Variants in FKBP15 observed in about 807,000 individuals in gnomAD.
FKBP15 encodes the protein FKBP prolyl isomerase family member 15, also known as FK506-binding protein 15.
A neutral mutation model predicts 158.1 loss-of-function variants in FKBP15; 106 were observed. The observed-to-expected ratio is 0.67, with a 90% CI of 0.57 to 0.79. FKBP15 has a LOEUF of 0.79. FKBP15 is among the 30% of genes least tolerant of loss of function. The pLI, the probability that FKBP15 is intolerant of heterozygous loss-of-function variation, is 0.00. For synonymous variants in FKBP15, 547 were observed against 548.6 expected, an observed-to-expected ratio of 1.00 and a Z score of 0.04; for missense variants, 1,287 against 1,479.1, an observed-to-expected ratio of 0.87 and a Z score of 2.13.
In FKBP15 at chr9:113,183,810, CTT is replaced by C; in HGVS notation, c.1750_1751del (p.Lys584GlufsTer9). ...CATTCTGTTCTTCTATCCGATTGCT[CTT>C]TTCAAGGATCTCTTGCTTCAATCTT... ...NERLKQEILE[K>X]SNRIEEQNDK... On this transcript the variant is annotated frameshift_variant, in exon 18 of 28. Transcript: ENST00000238256. LOFTEE classifies it high-confidence loss of function. 2 of 1,613,456 alleles carry C rather than the reference CTT, an allele frequency of 1.2e-6. No individual in the cohort carries two copies. The highest frequency in any genetic ancestry group is 1.7e-6 in the Non-Finnish European group (2 of 1,179,592).
chr9:113,188,321 A>C, intron 13 of FKBP15, 68 bp downstream of exon 13: 1 of 1,188,292 alleles, frequency 8.4e-7, no homozygotes. Context: ...TAACAGTTTA[A>C]GGAACAGTGA....
In FKBP15 at chr9:113,169,708, T is replaced by C. The variant is rs1274179128; in HGVS notation, c.3001A>G (p.Thr1001Ala). 6.2e-7 allele frequency: 1 copy of C among 1,613,682 alleles called. No homozygotes were observed. Among genetic ancestry groups the C allele is most frequent in the South Asian group, 1.1e-5 (1 of 91,024 alleles). The change falls in exon 26 of 28, where the codon ACT (threonine) becomes GCT (alanine). Residue 1001 changes from threonine (T) to alanine (A), a missense_variant. Thr to Ala is a moderately conservative substitution (Grantham distance 58). Transcript: ENST00000238256. ...AVPLPPQALT[T>A]SQDGHRRKGD... ...TTCCTTCTGTGTCCATCCTGGGAAG[T>C]GGTGAGGGCCTGAGGAGGCAACGGG...
chr9:113,212,430 C>T (rs978552215), intron 1 of FKBP15, among the ~76,000 whole-genome samples: 12 of 152,130 alleles, frequency 7.9e-5, no homozygotes, highest in African/African-American at 2.9e-4. Flanking sequence ...CTCAAGTGAT[C>T]CACCCACCTC....
chr9:113,187,668 G>GA, intron 14 of FKBP15, 125 bp downstream of exon 14: 1 of 762,866 alleles, frequency 1.3e-6, no homozygotes, highest in Non-Finnish European at 2.2e-6. Context: ...CCAAGGAAGG[G>GA]AAAAAAATTA....
rs192789557 is a variant in FKBP15, at chr9:113,189,764, A to G, written c.1173+707T>C. ...TTATATATTTCACTTCAATTGAGAA[A>G]GGACGATTATATTCAATAAAGAACT... On this transcript the variant is annotated intron_variant, in intron 12 of 27. Coordinates refer to ENST00000238256, the MANE Select transcript of FKBP15 (RefSeq NM_015258.2). Among the ~76,000 whole-genome samples the G allele has an allele frequency of 3.7e-4, 57 of 152,326 alleles. 1 individual carries two copies. Among genetic ancestry groups the G allele is most frequent in the Non-Finnish European group, 7.5e-4 (51 of 68,012 alleles).
intron 20 of FKBP15, 66 bp from the exon 21 acceptor site, chr9:113,176,739 A>G: frequency 6.6e-7 from 1 of 1,515,050 alleles, no homozygotes; most frequent in South Asian, 1.3e-5. Context: ...GTGTTATCCC[A>G]GCAGCTCTTT....
At chr9:113,189,560 T>C (rs906214095) in intron 12 of FKBP15, among the ~76,000 whole-genome samples, 2 of 152,072 alleles carry the variant, frequency 1.3e-5, no homozygotes, top group Non-Finnish European at 2.9e-5. Context: ...AAAATAATCC[T>C]ATAACAATAG....
intron 19 of FKBP15, among the ~76,000 whole-genome samples, chr9:113,180,400 ATGTGTGTGTGTGTG>A (rs61018100): frequency 0.38 from 57,269 of 150,014 alleles, 11,502 homozygotes; most frequent in East Asian, 0.76. Context: ...TCAGAAAAAA[ATGTGTGTGTGTGTG>A]TGTGTGTGTG....
chr9:113,221,264 T>A lies in FKBP15; in HGVS notation c.-21A>T, dbSNP rs1332386874. The A allele has an allele frequency of 1.3e-6, 2 of 1,596,272 alleles. No homozygotes were observed. The highest frequency in any genetic ancestry group is 4.6e-5 in the East Asian group (2 of 43,670). ...AACATTGCGTTGGCTTTCACCGGGTTGCGGGGAGGAAGCTGGGTATTCCCA... is the reference window on the plus strand; with the variant it reads ...AACATTGCGTTGGCTTTCACCGGGTAGCGGGGAGGAAGCTGGGTATTCCCA... On this transcript the variant is annotated 5_prime_UTR_variant, in exon 1 of 28. Coordinates refer to ENST00000238256, the MANE Select transcript of FKBP15 (RefSeq NM_015258.2).
At chr9:113,200,288 T>C (rs1009773314) in intron 6 of FKBP15, among the ~76,000 whole-genome samples, 2 of 152,190 alleles carry the variant, frequency 1.3e-5, no homozygotes, top group Non-Finnish European at 2.9e-5. Flanking sequence ...TGAGCTAATA[T>C]AAGTAGAGTA....
rs77090045 is a variant in FKBP15 at position 113,183,679 on chromosome 9, G to A, written c.1811+72C>T. 2.1e-3 allele frequency: 1,988 copies of A among 955,008 alleles called. 33 individuals are homozygous for A. The African/African-American group carries it at 0.028, about 13-fold the overall frequency. The allele number at this position is 955,008 out of a possible 1,614,324, so 59.2% of individuals were successfully genotyped here. ...CATACGTACTGCCCTAAACAAATAC[G>A]TGTACTTAAGCTGGGCATATACATA... On this transcript the variant is annotated intron_variant, in intron 18 of 27. Transcript: ENST00000238256.
chr9:113,164,136 T>A lies in FKBP15; in HGVS notation c.*1942A>T, dbSNP rs990331384. 6.6e-6 allele frequency: 1 copy of A among 152,646 alleles called. No individual in the cohort carries two copies. The highest frequency in any genetic ancestry group is 1.9e-4 in the East Asian group (1 of 5,206). The allele number at this position is 152,646 out of a possible 1,614,324, so 9.5% of individuals were successfully genotyped here. A position where few individuals can be genotyped will look rare whatever the true frequency, so the allele number is the denominator to read the frequency against. On this transcript the variant is annotated 3_prime_UTR_variant, in exon 28 of 28. Transcript: ENST00000238256. ...ATTTTAGTAAATATATATTTTTAAA[T>A]AGTCTATGACTGTTCTGTTCTCCTA... is the stretch of plus-strand genomic sequence containing the variant.
chr9:113,178,843 T>C, intron 19 of FKBP15, 42 bp from the exon 20 acceptor site: 1 of 1,547,694 alleles, frequency 6.5e-7, no homozygotes, highest in Non-Finnish European at 8.7e-7. Context: ...AACATAGGTG[T>C]TCTCCATGCA....
intron 2 of FKBP15, among the ~76,000 whole-genome samples, chr9:113,210,097 C>T (rs556384874): frequency 2.6e-4 from 39 of 152,218 alleles, no homozygotes; most frequent in African/African-American, 7.9e-4. Context: ...TTTGGGAGAG[C>T]GGTGTCCATA....
At position 113,216,479 on chromosome 9, in the gene FKBP15, TTGAG is replaced by T. The variant is rs201609933; in HGVS notation, c.53+4708_53+4711del. Among the ~76,000 whole-genome samples the T allele has an allele frequency of 1.4e-4, 22 of 152,300 alleles. No homozygotes were observed. In the East Asian group the frequency reaches 3.7e-3, roughly 25 times the overall value. The stretch of plus-strand genomic sequence containing the variant: ...TTAAATGAGATTGTAAACGCAATGC[TTGAG>T]TGAGAGCAGCGCTGGCCTAAAAAGA... On this transcript the variant is annotated intron_variant, in intron 1 of 27. Coordinates refer to ENST00000238256, the MANE Select transcript of FKBP15 (RefSeq NM_015258.2).
chr9:113,188,724 T>C (rs1218500777), intron 12 of FKBP15, among the ~76,000 whole-genome samples: 2 of 152,228 alleles, frequency 1.3e-5, no homozygotes, highest in Non-Finnish European at 2.9e-5. Context: ...GTAAATATAG[T>C]TAATTTCCAC....
At chr9:113,202,883 T>A (rs549443383) in intron 5 of FKBP15, 78 bp downstream of exon 5, 32 of 1,174,828 alleles carry the variant, frequency 2.7e-5, no homozygotes, top group Admixed American at 8.2e-5. Context: ...ATCTAATTTC[T>A]ATTAGGTACA....
intron 1 of FKBP15, among the ~76,000 whole-genome samples, chr9:113,216,517 A>G (rs1490321028): frequency 6.6e-6 from 1 of 152,178 alleles, no homozygotes; most frequent in Admixed American, 6.5e-5. Context: ...GACATCACCA[A>G]ATGCTTATGG....
intron 9 of FKBP15, among the ~76,000 whole-genome samples, chr9:113,194,714 A>T (rs1415498494): frequency 6.6e-6 from 1 of 152,168 alleles, no homozygotes; most frequent in African/African-American, 2.4e-5. Flanking sequence ...TGACATATTA[A>T]CCTATTTCCA....
Sources: gnomAD v4.1 joint callset for allele counts (sites outside exome capture counted in the v4.1 genomes callset) on GRCh38, gnomAD v4.1.1 for gene constraint, MANE v1.5 for transcripts, NCBI Gene and HGNC (gene_info 2026-07-23, HGNC 2026-07-21) for gene names.